Variants in PALLD observed in about 807,000 individuals in gnomAD.
PALLD encodes the protein palladin.
Under a neutral mutation model 123.5 loss-of-function variants are expected in PALLD, and 61 were observed. The ratio of observed to expected loss-of-function variants is 0.49; its 90% CI spans 0.40 to 0.61. PALLD has a LOEUF of 0.61. Among genes scored for constraint, PALLD ranks in the 20% least tolerant of loss-of-function variants. The pLI is 0.00. For synonymous variants in PALLD, 465 were observed against 496.4 expected, an observed-to-expected ratio of 0.94 and a Z score of 0.84; for missense variants, 1,273 against 1,377.0, an observed-to-expected ratio of 0.92 and a Z score of 1.20.
intron 2 of PALLD, among the ~76,000 whole-genome samples, chr4:168,653,992 AT>A (rs35311370): frequency 8.1e-5 from 12 of 148,978 alleles, no homozygotes; most frequent in Admixed American, 3.3e-4. Context: ...GAGATCAGTT[AT>A]TTTTTTTTTA....
chr4:168,607,451 T>A (rs1466217857), intron 2 of PALLD, among the ~76,000 whole-genome samples: 1 of 152,200 alleles, frequency 6.6e-6, no homozygotes, highest in Non-Finnish European at 1.5e-5. Flanking sequence ...CGGTGTGAGC[T>A]TTTTTTCTGT....
chr4:168,796,492 A>G (rs1382555939), intron 10 of PALLD, among the ~76,000 whole-genome samples: 1 of 152,176 alleles, frequency 6.6e-6, no homozygotes, highest in Non-Finnish European at 1.5e-5. Context: ...GGCAGTTATT[A>G]AGGTACACCA....
intron 10 of PALLD, among the ~76,000 whole-genome samples, chr4:168,759,638 T>C (rs1732538649): frequency 6.6e-6 from 1 of 151,948 alleles, no homozygotes; most frequent in South Asian, 2.1e-4. Flanking sequence ...TGGAGAAGAA[T>C]AAGAGAGCAT....
intron 2 of PALLD, among the ~76,000 whole-genome samples, chr4:168,556,090 C>T (rs1767256536): frequency 6.6e-6 from 1 of 150,690 alleles, no homozygotes; most frequent in African/African-American, 2.4e-5. Flanking sequence ...AAATGGAGTT[C>T]ATATTAATAC....
intron 2 of PALLD, among the ~76,000 whole-genome samples, chr4:168,541,194 A>G (rs1765575896): frequency 6.6e-6 from 1 of 152,198 alleles, no homozygotes; most frequent in Non-Finnish European, 1.5e-5. Flanking sequence ...CAAGATGGGG[A>G]TAAATATTCA....
chr4:168,702,090 C>T (rs774214337), intron 8 of PALLD, among the ~76,000 whole-genome samples: 2 of 152,168 alleles, frequency 1.3e-5, no homozygotes, highest in South Asian at 2.1e-4. Context: ...TTTTCAGCAT[C>T]GGGAAACTCC....
intron 10 of PALLD, among the ~76,000 whole-genome samples, chr4:168,868,226 T>C (rs889035593): frequency 2.6e-5 from 4 of 152,182 alleles, no homozygotes; most frequent in African/African-American, 7.2e-5. Flanking sequence ...ATATACCAGT[T>C]GACTAGTCCT....
chr4:168,917,071 C>T (rs1253725073), intron 17 of PALLD, among the ~76,000 whole-genome samples: 1 of 131,544 alleles, frequency 7.6e-6, no homozygotes, highest in Non-Finnish European at 1.6e-5. Flanking sequence ...TTTTTTGAGA[C>T]GGAGTCTCCC....
chr4:168,539,449 G>A (rs890134889), intron 2 of PALLD, among the ~76,000 whole-genome samples: 2 of 151,986 alleles, frequency 1.3e-5, no homozygotes, highest in Admixed American at 6.6e-5. Flanking sequence ...TTAGCCACCC[G>A]TGGTGGCGCA....
chr4:168,903,659 A>G (rs1452650775), intron 14 of PALLD, 98 bp from the exon 15 acceptor site: 36 of 982,108 alleles, frequency 3.7e-5, no homozygotes, highest in Non-Finnish European at 5.4e-5. Context: ...ATGAAAACTC[A>G]GATCAGCTCT....
intron 2 of PALLD, among the ~76,000 whole-genome samples, chr4:168,606,528 G>A (rs1466183904): frequency 6.6e-6 from 1 of 152,048 alleles, no homozygotes; most frequent in Non-Finnish European, 1.5e-5. Context: ...CAAAAAATTA[G>A]CTGGGCATGG....
intron 2 of PALLD, among the ~76,000 whole-genome samples, chr4:168,524,733 C>T (rs999308183): frequency 6.6e-6 from 1 of 152,106 alleles, no homozygotes; most frequent in Non-Finnish European, 1.5e-5. Flanking sequence ...CCTCATGAAT[C>T]GCTTCCTTCC....
intron 10 of PALLD, among the ~76,000 whole-genome samples, chr4:168,838,878 C>T (rs746744167): frequency 1.3e-5 from 2 of 152,080 alleles, no homozygotes; most frequent in Non-Finnish European, 2.9e-5. Flanking sequence ...CAAAACAGTA[C>T]TTGTATAGCA....
At chr4:168,778,247 T>G (rs1286853097) in intron 10 of PALLD, among the ~76,000 whole-genome samples, 1 of 152,170 alleles carries the variant, frequency 6.6e-6, no homozygotes, top group East Asian at 1.9e-4. Flanking sequence ...TCTAGCTTAC[T>G]GGGAGACAGT....
intron 10 of PALLD, among the ~76,000 whole-genome samples, chr4:168,806,483 C>T (rs1438664913): frequency 6.6e-6 from 1 of 152,180 alleles, no homozygotes; most frequent in Non-Finnish European, 1.5e-5. Flanking sequence ...TGTAAGTTTC[C>T]CAAGGCCTCC....
intron 11 of PALLD, among the ~76,000 whole-genome samples, chr4:168,891,789 A>C (rs2151197583): frequency 6.6e-6 from 1 of 152,268 alleles, no homozygotes; most frequent in South Asian, 2.1e-4. Context: ...GAAACAGCGA[A>C]CTGCAATGAA....
At chr4:168,590,822 G>A (rs190270358) in intron 2 of PALLD, among the ~76,000 whole-genome samples, 110 of 146,948 alleles carry the variant, frequency 7.5e-4, no homozygotes, top group African/African-American at 2.6e-3. Context: ...TAAAATAGGT[G>A]AAGAAGAGTA....
chr4:168,524,913 T>C (rs1352368141), intron 2 of PALLD, among the ~76,000 whole-genome samples: 2 of 152,178 alleles, frequency 1.3e-5, no homozygotes, highest in African/African-American at 2.4e-5. Context: ...TTGTTGCAAC[T>C]TGTGAGGGCC....
chr4:168,544,943 A>T (rs1765998370), intron 2 of PALLD, among the ~76,000 whole-genome samples: 1 of 152,188 alleles, frequency 6.6e-6, no homozygotes, highest in South Asian at 2.1e-4. Context: ...ACGTGCCTAT[A>T]TATGACCGTC....
Sources: allele counts gnomAD v4.1 joint callset (sites outside exome capture counted in the v4.1 genomes callset), GRCh38; gene constraint gnomAD v4.1.1; transcripts MANE v1.5; gene names NCBI Gene and HGNC (gene_info 2026-07-23, HGNC 2026-07-21).